Variants in DTNB observed in about 807,000 individuals in gnomAD.
The protein encoded by DTNB is dystrobrevin beta.
In DTNB, 63 loss-of-function variants were observed where a neutral mutation model predicts 90.7. That is an observed-to-expected ratio of 0.69 (90% confidence interval 0.57 to 0.86). The LOEUF (loss-of-function observed/expected upper bound fraction) is 0.86, where lower values mean the gene tolerates loss of function less well. Ranked by LOEUF, DTNB falls within the 40% of genes least tolerant of loss-of-function variation. The probability of loss-of-function intolerance (pLI) is 0.00; values close to 1 mark genes in which losing one functional copy is unlikely to be tolerated. For missense variants in DTNB, 744 were observed against 807.1 expected, an observed-to-expected ratio of 0.92 and a Z score of 0.95; for synonymous variants, 277 against 286.7, an observed-to-expected ratio of 0.97 and a Z score of 0.34.
At chr2:25,651,061 A>G (rs1271831320) in intron 2 of DTNB, among the ~76,000 whole-genome samples, 2 of 152,234 alleles carry the variant, frequency 1.3e-5, no homozygotes, top group African/African-American at 4.8e-5. Flanking sequence ...GACTGGAAGA[A>G]GGGATCAGGA....
chr2:25,385,722 A>G (rs1352786533), intron 18 of DTNB, among the ~76,000 whole-genome samples: 1 of 152,208 alleles, frequency 6.6e-6, no homozygotes, highest in Non-Finnish European at 1.5e-5. Flanking sequence ...CTTCCAAATT[A>G]CACTACATAA....
chr2:25,383,749 G>A (rs763773059), intron 19 of DTNB, 87 bp downstream of exon 19: 16 of 1,612,518 alleles, frequency 9.9e-6, no homozygotes, highest in African/African-American at 1.3e-5. Context: ...TGGTGGCAGG[G>A]AGGAATGCAG....
intron 18 of DTNB, among the ~76,000 whole-genome samples, chr2:25,384,227 C>T (rs967644255): frequency 6.6e-6 from 1 of 152,058 alleles, no homozygotes; most frequent in Non-Finnish European, 1.5e-5. Context: ...CATCTAATGT[C>T]TTGCATTCAG....
chr2:25,378,552 C>G (rs1465639035), intron 20 of DTNB, among the ~76,000 whole-genome samples: 3 of 150,800 alleles, frequency 2.0e-5, no homozygotes, highest in African/African-American at 7.3e-5. Context: ...GAGGAAGATG[C>G]CTAATTTTTA....
chr2:25,668,797 G>C (rs1423098590), intron 1 of DTNB, among the ~76,000 whole-genome samples: 3 of 152,136 alleles, frequency 2.0e-5, no homozygotes, highest in African/African-American at 7.2e-5. Context: ...AAAAGAAATG[G>C]AAACAGAGAC....
chr2:25,538,342 T>G (rs1437013595), intron 8 of DTNB, among the ~76,000 whole-genome samples: 1 of 152,116 alleles, frequency 6.6e-6, no homozygotes, highest in African/African-American at 2.4e-5. Flanking sequence ...GAGTTTGAGG[T>G]TGCAGTGAAC....
chr2:25,396,197 C>T (rs2042316549), intron 16 of DTNB, among the ~76,000 whole-genome samples: 1 of 152,256 alleles, frequency 6.6e-6, no homozygotes, highest in African/African-American at 2.4e-5. Flanking sequence ...TGTTCTTATC[C>T]ATAAGTGGGA....
intron 1 of DTNB, among the ~76,000 whole-genome samples, chr2:25,662,675 CACACAA>C (rs1157596290): frequency 5.4e-5 from 4 of 74,152 alleles, no homozygotes; most frequent in African/African-American, 7.4e-5. Context: ...CACACACACA[CACACAA>C]ACACACACAC....
In DTNB at chr2:25,379,309, G is replaced by A. The variant is rs201977400; in HGVS notation, c.*10C>T. 404 of 1,321,896 alleles carry A rather than the reference G, an allele frequency of 3.1e-4. 5 individuals carry two copies. The highest frequency in any genetic ancestry group is 2.0e-4 in the Middle Eastern group (1 of 4,960). 81.9% of individuals were successfully genotyped at this position (1,321,896 alleles called of 1,614,324 possible). A position where few individuals can be genotyped will look rare whatever the true frequency, so the allele number is the denominator to read the frequency against. On this transcript the variant is annotated 3_prime_UTR_variant, in exon 20 of 21. Coordinates refer to ENST00000406818, the MANE Select transcript of DTNB (RefSeq NM_021907.5). ...ACTCACCTGAGCTTCCTCTGTGTCC[G>A]GCTCCTCTGCTAACCTGTGGCAGCA...
intron 8 of DTNB, among the ~76,000 whole-genome samples, chr2:25,553,214 A>C (rs986648660): frequency 1.3e-5 from 2 of 151,948 alleles, no homozygotes; most frequent in African/African-American, 2.4e-5. Flanking sequence ...TAGCCTCCCG[A>C]GTAGCTGGGA....
At chr2:25,596,372 T>A in intron 5 of DTNB, 132 bp from the exon 6 acceptor site, 1 of 1,100,320 alleles carries the variant, frequency 9.1e-7, no homozygotes, top group Non-Finnish European at 1.2e-6. Flanking sequence ...GACTTTTAGT[T>A]AATATTAAAA....
intron 9 of DTNB, among the ~76,000 whole-genome samples, chr2:25,526,810 G>A (rs372342305): frequency 9.0e-4 from 137 of 152,218 alleles, no homozygotes; most frequent in African/African-American, 2.8e-3. Flanking sequence ...AAGGTGACTC[G>A]AGTGGGACAT....
intron 10 of DTNB, among the ~76,000 whole-genome samples, chr2:25,471,557 G>A (rs1655516499): frequency 6.6e-6 from 1 of 151,876 alleles, no homozygotes; most frequent in South Asian, 2.1e-4. Flanking sequence ...CACAAAGCCC[G>A]GCTAATTTTT....
chr2:25,614,288 C>G (rs2069546020), intron 4 of DTNB, among the ~76,000 whole-genome samples: 1 of 152,060 alleles, frequency 6.6e-6, no homozygotes, highest in Non-Finnish European at 1.5e-5. Flanking sequence ...GAGGACTGCT[C>G]CCACCACTCC....
intron 15 of DTNB, among the ~76,000 whole-genome samples, chr2:25,422,634 G>A (rs1350288047): frequency 6.6e-6 from 1 of 151,992 alleles, no homozygotes; most frequent in Non-Finnish European, 1.5e-5. Flanking sequence ...TTGACCTCAG[G>A]TGATCCACCT....
At chr2:25,441,998 AC>A (rs2057501592) in intron 12 of DTNB, among the ~76,000 whole-genome samples, 1 of 152,170 alleles carries the variant, frequency 6.6e-6, no homozygotes, top group East Asian at 1.9e-4. Flanking sequence ...TCCAGACCAA[AC>A]AGGTTTCAAA....
chr2:25,412,640 A>G (rs920619089), intron 16 of DTNB, among the ~76,000 whole-genome samples: 2 of 152,196 alleles, frequency 1.3e-5, no homozygotes, highest in African/African-American at 4.8e-5. Context: ...TAGATAATTA[A>G]CTTCTAATAG....
chr2:25,403,179 A>G (rs2044195260), intron 16 of DTNB, among the ~76,000 whole-genome samples: 1 of 152,122 alleles, frequency 6.6e-6, no homozygotes, highest in African/African-American at 2.4e-5. Flanking sequence ...GCAGTGGCGC[A>G]ATCTCGGCTC....
intron 2 of DTNB, among the ~76,000 whole-genome samples, chr2:25,644,114 A>T (rs1378191847): frequency 6.6e-6 from 1 of 152,230 alleles, no homozygotes; most frequent in African/African-American, 2.4e-5. Flanking sequence ...CATATCATTA[A>T]GAAATAACCA....
Sources: gnomAD v4.1 joint callset for allele counts (sites outside exome capture counted in the v4.1 genomes callset) on GRCh38, gnomAD v4.1.1 for gene constraint, MANE v1.5 for transcripts, NCBI Gene and HGNC (gene_info 2026-07-23, HGNC 2026-07-21) for gene names.